CADPS2: variants seen among roughly 807,000 people sequenced by gnomAD.
CADPS2 encodes the protein calcium dependent secretion activator 2, also known as calcium-dependent secretion activator 2.
CADPS2 carries 93 observed loss-of-function variants against 172.5 expected under a neutral mutation model. The ratio of observed to expected loss-of-function variants is 0.54; its 90% confidence interval spans 0.46 to 0.64. The LOEUF (loss-of-function observed/expected upper bound fraction) is 0.64. Among genes scored for constraint, CADPS2 ranks in the 30% least tolerant of loss-of-function variants. The pLI, the probability that CADPS2 is intolerant of heterozygous loss-of-function variation, is 0.00. For missense variants in CADPS2, 1,420 were observed against 1,565.9 expected (o/e 0.91, Z 1.57); for synonymous variants, 546 against 555.2 (o/e 0.98, Z 0.23).
At chr7:122,342,763 G>C (rs2036976488) in intron 28 of CADPS2, among the ~76,000 whole-genome samples, 1 of 151,998 alleles carries the variant, frequency 6.6e-6, no homozygotes, top group Admixed American at 6.6e-5. Flanking sequence ...GTTTTCACTT[G>C]CATCTGAAGT....
intron 11 of CADPS2, among the ~76,000 whole-genome samples, chr7:122,488,847 G>A (rs2152298910): frequency 6.6e-6 from 1 of 152,230 alleles, no homozygotes; most frequent in East Asian, 1.9e-4. Flanking sequence ...TTCAATTGTA[G>A]AAAAATAAAG....
chr7:122,480,906 T>C (rs937220567), intron 11 of CADPS2, 46 bp from the exon 12 acceptor site: 9 of 1,443,496 alleles, frequency 6.2e-6, no homozygotes, highest in African/African-American at 1.4e-5. Context: ...TTTAAATGGG[T>C]TGGGAACTAT....
intron 2 of CADPS2, among the ~76,000 whole-genome samples, chr7:122,694,452 T>C (rs1032895871): frequency 6.6e-6 from 1 of 152,174 alleles, no homozygotes; most frequent in African/African-American, 2.4e-5. Context: ...ACCCTGGTCA[T>C]CAACAGTGAT....
chr7:122,564,292 G>A (rs2066124057), intron 7 of CADPS2, among the ~76,000 whole-genome samples: 1 of 152,108 alleles, frequency 6.6e-6, no homozygotes, highest in Admixed American at 6.6e-5. Context: ...AAACAGTATG[G>A]AAATTTCTTA....
chr7:122,399,917 G>A (rs1397231803), intron 20 of CADPS2, among the ~76,000 whole-genome samples: 19 of 147,376 alleles, frequency 1.3e-4, no homozygotes, highest in Middle Eastern at 3.8e-3. Context: ...CTCGTGATCC[G>A]TCCGCCTCCG....
intron 1 of CADPS2, among the ~76,000 whole-genome samples, chr7:122,859,793 T>A (rs1816423084): frequency 6.6e-6 from 1 of 152,172 alleles, no homozygotes; most frequent in African/African-American, 2.4e-5. Context: ...ATAAATGTTA[T>A]ATAAACCATT....
At chr7:122,813,699 G>A (rs1057391952) in intron 1 of CADPS2, among the ~76,000 whole-genome samples, 1 of 152,084 alleles carries the variant, frequency 6.6e-6, no homozygotes, top group Admixed American at 6.5e-5. Flanking sequence ...CTAAGGAAAA[G>A]CCTTATCCCA....
At chr7:122,532,753 T>C (rs1367500740) in intron 8 of CADPS2, among the ~76,000 whole-genome samples, 1 of 152,180 alleles carries the variant, frequency 6.6e-6, no homozygotes, top group East Asian at 1.9e-4. Flanking sequence ...ATTTAAAAGG[T>C]ATTTTATCTA....
intron 27 of CADPS2, among the ~76,000 whole-genome samples, chr7:122,359,815 T>C (rs2039902113): frequency 6.6e-6 from 1 of 152,104 alleles, no homozygotes; most frequent in Admixed American, 6.5e-5. Context: ...AGAAACCCCA[T>C]GCAAAGGTAG....
chr7:122,706,813 T>C (rs759692430), intron 2 of CADPS2, among the ~76,000 whole-genome samples: 15 of 148,362 alleles, frequency 1.0e-4, no homozygotes, highest in South Asian at 4.2e-4. Flanking sequence ...CACACACACA[T>C]ATATATATAT....
intron 1 of CADPS2, among the ~76,000 whole-genome samples, chr7:122,853,778 GAGAGATGGAAGA>G (rs1814374824): frequency 6.6e-6 from 1 of 152,194 alleles, no homozygotes; most frequent in South Asian, 2.1e-4. Flanking sequence ...GGAGTGACAG[GAGAGATGGAAGA>G]AGAGAGGGGA....
At chr7:122,851,497 C>T (rs1813616530) in intron 1 of CADPS2, among the ~76,000 whole-genome samples, 1 of 152,120 alleles carries the variant, frequency 6.6e-6, no homozygotes, top group African/African-American at 2.4e-5. Context: ...GCATGTAAAC[C>T]AGTACTAAAA....
At chr7:122,497,177 TA>T (rs201372995) in intron 9 of CADPS2, among the ~76,000 whole-genome samples, 5 of 151,734 alleles carry the variant, frequency 3.3e-5, no homozygotes, top group South Asian at 4.2e-4. Flanking sequence ...CTGGTAAATT[TA>T]AAAAAAAATC....
intron 2 of CADPS2, chr7:122,676,532 T>G: frequency 1.8e-6 from 1 of 546,842 alleles, no homozygotes; most frequent in East Asian, 3.2e-5. Flanking sequence ...TAAGCTTATG[T>G]TCAAGCAGCA....
chr7:122,328,713 T>C (rs540143218), intron 28 of CADPS2: 1 of 152,324 alleles, frequency 6.6e-6, no homozygotes, highest in African/African-American at 2.4e-5. Context: ...GAGATATCTC[T>C]TTTAAAGCAA....
intron 1 of CADPS2, among the ~76,000 whole-genome samples, chr7:122,771,395 T>C (rs1336994371): frequency 2.0e-5 from 3 of 152,206 alleles, no homozygotes; most frequent in African/African-American, 4.8e-5. Flanking sequence ...CAATGGGTGC[T>C]ACTATAATTT....
intron 9 of CADPS2, among the ~76,000 whole-genome samples, chr7:122,499,860 C>A (rs2059053285): frequency 6.6e-6 from 1 of 152,088 alleles, no homozygotes; most frequent in South Asian, 2.1e-4. Flanking sequence ...AGTTTCTCAT[C>A]TTCTTCTCTT....
chr7:122,349,542 A>G (rs2038211060), intron 27 of CADPS2, among the ~76,000 whole-genome samples: 1 of 152,200 alleles, frequency 6.6e-6, no homozygotes, highest in African/African-American at 2.4e-5. Flanking sequence ...TTATAGTGAA[A>G]CAACACAAAA....
chr7:122,342,538 G>C (rs532882053), intron 28 of CADPS2, among the ~76,000 whole-genome samples: 115 of 152,246 alleles, frequency 7.6e-4, no homozygotes, highest in Non-Finnish European at 1.2e-3. Context: ...AGTATTACAT[G>C]CTTTCCAAAA....
Sources: allele counts gnomAD v4.1 joint callset (sites outside exome capture counted in the v4.1 genomes callset), GRCh38; gene constraint gnomAD v4.1.1; transcripts MANE v1.5; gene names NCBI Gene and HGNC (gene_info 2026-07-23, HGNC 2026-07-21).